NAALADL2: variants seen among roughly 807,000 people sequenced by gnomAD.
NAALADL2 encodes the protein N-acetylated alpha-linked acidic dipeptidase like 2.
Under a neutral mutation model 87.2 loss-of-function variants are expected in NAALADL2, and 76 were observed. The ratio of observed to expected loss-of-function variants is 0.87; its 90% confidence interval spans 0.72 to 1.05. The LOEUF (loss-of-function observed/expected upper bound fraction) is 1.05, where lower values mean the gene tolerates loss of function less well. Among genes scored for constraint, NAALADL2 ranks in the 50% least tolerant of loss-of-function variants. The pLI is 0.00. For missense variants in NAALADL2, 1,089 were observed against 945.8 expected (o/e 1.15, Z -1.99); for synonymous variants, 354 against 331.0 (o/e 1.07, Z -0.75).
At chr3:175,330,683 A>G (rs559262084) in intron 5 of NAALADL2, among the ~76,000 whole-genome samples, 14 of 152,280 alleles carry the variant, frequency 9.2e-5, no homozygotes, top group African/African-American at 3.1e-4. Context: ...TTCATAGCAA[A>G]AACACCTATA....
chr3:174,957,159 C>G (rs1229462499), intron 1 of NAALADL2, among the ~76,000 whole-genome samples: 1 of 151,988 alleles, frequency 6.6e-6, no homozygotes, highest in Non-Finnish European at 1.5e-5. Context: ...TTTCCTCATT[C>G]TAAGCATCTG....
intron 1 of NAALADL2, among the ~76,000 whole-genome samples, chr3:174,929,962 C>T (rs1357557101): frequency 6.6e-6 from 1 of 152,102 alleles, no homozygotes; most frequent in Non-Finnish European, 1.5e-5. Context: ...AGTATGTACT[C>T]AATAATAATG....
At chr3:175,329,386 A>G (rs1475921512) in intron 5 of NAALADL2, among the ~76,000 whole-genome samples, 1 of 151,992 alleles carries the variant, frequency 6.6e-6, no homozygotes, top group Non-Finnish European at 1.5e-5. Context: ...GTTGAACATC[A>G]CTCCTGCCAA....
chr3:175,288,144 C>A (rs868556695), intron 4 of NAALADL2, among the ~76,000 whole-genome samples: 3 of 152,082 alleles, frequency 2.0e-5, no homozygotes, highest in Non-Finnish European at 4.4e-5. Context: ...TGTAATGGCG[C>A]AATCTCAGCT....
At chr3:175,548,690 G>A (rs1032195617) in intron 9 of NAALADL2, among the ~76,000 whole-genome samples, 1 of 151,998 alleles carries the variant, frequency 6.6e-6, no homozygotes, top group Non-Finnish European at 1.5e-5. Flanking sequence ...GAAAGACAGT[G>A]CACAGTGCTA....
intron 9 of NAALADL2, among the ~76,000 whole-genome samples, chr3:175,508,659 A>T (rs1057095445): frequency 6.6e-6 from 1 of 152,132 alleles, no homozygotes; most frequent in Non-Finnish European, 1.5e-5. Context: ...TTACTTCAGA[A>T]TGCCTCTAAA....
chr3:175,054,079 G>A (rs1444170983), intron 1 of NAALADL2, among the ~76,000 whole-genome samples: 2 of 152,214 alleles, frequency 1.3e-5, no homozygotes, highest in Non-Finnish European at 2.9e-5. Context: ...AATTAACTGT[G>A]TGGAATGAAC....
chr3:175,166,663 G>A (rs991464368), intron 2 of NAALADL2, among the ~76,000 whole-genome samples: 1 of 151,760 alleles, frequency 6.6e-6, no homozygotes, highest in Non-Finnish European at 1.5e-5. Context: ...TCTCTCCCTA[G>A]ATGATTTCAT....
intron 2 of NAALADL2, among the ~76,000 whole-genome samples, chr3:174,726,103 A>C (rs1011719015): frequency 6.6e-6 from 1 of 152,128 alleles, no homozygotes; most frequent in Non-Finnish European, 1.5e-5. Flanking sequence ...ATGGTTTTCT[A>C]ATTGCTAAAC....
At chr3:175,368,589 G>C (rs1449674044) in intron 5 of NAALADL2, among the ~76,000 whole-genome samples, 1 of 151,698 alleles carries the variant, frequency 6.6e-6, no homozygotes, top group Non-Finnish European at 1.5e-5. Context: ...GTGTGTGTGT[G>C]TGTGTGTTTA....
intron 3 of NAALADL2, among the ~76,000 whole-genome samples, chr3:175,240,397 C>T (rs1746633848): frequency 6.6e-6 from 1 of 152,104 alleles, no homozygotes; most frequent in South Asian, 2.1e-4. Flanking sequence ...CAATCAGATG[C>T]CTATTTTCTC....
intron 2 of NAALADL2, among the ~76,000 whole-genome samples, chr3:175,200,203 G>T (rs1034328766): frequency 4.6e-5 from 7 of 151,888 alleles, no homozygotes; most frequent in African/African-American, 1.7e-4. Context: ...GGCTATGAAT[G>T]TTTGAAAAGG....
chr3:175,531,425 T>G (rs751995123), intron 9 of NAALADL2, among the ~76,000 whole-genome samples: 1 of 152,208 alleles, frequency 6.6e-6, no homozygotes, highest in Non-Finnish European at 1.5e-5. Flanking sequence ...TCCCATCCTC[T>G]GGCACACAGA....
intron 2 of NAALADL2, among the ~76,000 whole-genome samples, chr3:174,654,093 TG>T (rs1724658457): frequency 6.6e-6 from 1 of 151,302 alleles, no homozygotes; most frequent in Non-Finnish European, 1.5e-5. Context: ...TGTGTGTGTG[TG>T]TGTGTGTTAG....
chr3:175,170,472 TATA>T (rs1175556427), intron 2 of NAALADL2, among the ~76,000 whole-genome samples: 23 of 146,760 alleles, frequency 1.6e-4, no homozygotes, highest in African/African-American at 2.0e-4. Context: ...TATATATAAA[TATA>T]ATATAATATA....
intron 9 of NAALADL2, among the ~76,000 whole-genome samples, chr3:175,546,576 T>C (rs1339479439): frequency 6.6e-6 from 1 of 152,112 alleles, no homozygotes; most frequent in Non-Finnish European, 1.5e-5. Context: ...ATAAGGCATG[T>C]CTGGTGGTAA....
intron 2 of NAALADL2, among the ~76,000 whole-genome samples, chr3:174,589,168 C>A (rs1248302379): frequency 6.6e-6 from 1 of 152,328 alleles, no homozygotes; most frequent in Admixed American, 6.5e-5. Flanking sequence ...GCGTGGGACC[C>A]TCTGAGCCAG....
intron 3 of NAALADL2, among the ~76,000 whole-genome samples, chr3:174,753,255 T>C (rs951680795): frequency 2.6e-5 from 4 of 152,200 alleles, no homozygotes; most frequent in Non-Finnish European, 2.9e-5. Context: ...TTTGTATTTT[T>C]ATTAGAGTTG....
intron 10 of NAALADL2, among the ~76,000 whole-genome samples, chr3:175,620,180 G>T (rs574689761): frequency 6.6e-6 from 1 of 152,060 alleles, no homozygotes; most frequent in East Asian, 1.9e-4. Context: ...GTGCCACTTT[G>T]CCAGCCAGAA....
Sources: allele counts gnomAD v4.1 joint callset (sites outside exome capture counted in the v4.1 genomes callset), GRCh38; gene constraint gnomAD v4.1.1; transcripts MANE v1.5; gene names NCBI Gene and HGNC (gene_info 2026-07-23, HGNC 2026-07-21).